Variants in CSNK1G1 observed in about 807,000 individuals in gnomAD.
The protein encoded by CSNK1G1 is casein kinase 1 gamma 1, also known as casein kinase I isoform gamma-1.
Under a neutral mutation model 59.6 loss-of-function variants are expected in CSNK1G1, and 22 were observed. That is an observed-to-expected ratio of 0.37 (90% CI 0.26 to 0.53). CSNK1G1 has a LOEUF of 0.53. Among genes scored for constraint, CSNK1G1 ranks in the 20% least tolerant of loss-of-function variants. The probability of loss-of-function intolerance (pLI) is 0.89; values close to 1 mark genes in which losing one functional copy is unlikely to be tolerated. For synonymous variants in CSNK1G1, 179 were observed against 177.1 expected (o/e 1.01, Z -0.08); for missense variants, 384 against 519.5 (o/e 0.74, Z 2.54).
intron 4 of CSNK1G1, among the ~76,000 whole-genome samples, chr15:64,233,603 C>A (rs551879429): frequency 1.1e-4 from 16 of 152,274 alleles, no homozygotes; most frequent in African/African-American, 3.6e-4. Context: ...GCCACAGTAT[C>A]AGAAATGTCC....
chr15:64,295,994 T>A (rs906193300), intron 2 of CSNK1G1, among the ~76,000 whole-genome samples: 1 of 152,222 alleles, frequency 6.6e-6, no homozygotes, highest in Non-Finnish European at 1.5e-5. Context: ...CAGTATCTAG[T>A]GATTGTGTAT....
chr15:64,278,109 A>T (rs1893850213), intron 2 of CSNK1G1, among the ~76,000 whole-genome samples: 1 of 150,576 alleles, frequency 6.6e-6, no homozygotes, highest in African/African-American at 2.4e-5. Flanking sequence ...GCAGTGGTGC[A>T]ATCACAGCTC....
intron 1 of CSNK1G1, among the ~76,000 whole-genome samples, chr15:64,304,291 G>A (rs1326330688): frequency 1.3e-5 from 2 of 150,632 alleles, no homozygotes; most frequent in South Asian, 2.1e-4. Context: ...GCTGAGGCAG[G>A]AGAATCGCTT....
At chr15:64,339,156 G>A (rs542917371) in intron 1 of CSNK1G1, among the ~76,000 whole-genome samples, 1 of 152,178 alleles carries the variant, frequency 6.6e-6, no homozygotes, top group Non-Finnish European at 1.5e-5. Context: ...GTAATCTCTA[G>A]TACAGTGATT....
intron 2 of CSNK1G1, among the ~76,000 whole-genome samples, chr15:64,288,740 G>A (rs1954578129): frequency 6.6e-6 from 1 of 152,064 alleles, no homozygotes; most frequent in African/African-American, 2.4e-5. Flanking sequence ...CCGCCTTCTG[G>A]AAAAGTAGGC....
chr15:64,205,382 T>C (rs568539858), intron 7 of CSNK1G1, among the ~76,000 whole-genome samples: 1 of 152,184 alleles, frequency 6.6e-6, no homozygotes, highest in Non-Finnish European at 1.5e-5. Context: ...CTACTACACA[T>C]ATATTGAGAC....
At chr15:64,191,975 C>T (rs924329372) in intron 10 of CSNK1G1, among the ~76,000 whole-genome samples, 17 of 152,164 alleles carry the variant, frequency 1.1e-4, no homozygotes, top group African/African-American at 4.1e-4. Flanking sequence ...TAGAAAGCAA[C>T]AGAATGCCTA....
chr15:64,320,417 G>A (rs981242148), intron 1 of CSNK1G1, among the ~76,000 whole-genome samples: 37 of 151,642 alleles, frequency 2.4e-4, no homozygotes, highest in Admixed American at 8.5e-4. Context: ...AGTGGCTCAC[G>A]CCTGTAATCC....
intron 10 of CSNK1G1, among the ~76,000 whole-genome samples, chr15:64,180,793 A>G (rs938054817): frequency 2.0e-5 from 3 of 152,362 alleles, no homozygotes; most frequent in Middle Eastern, 3.4e-3. Flanking sequence ...TTTAGAGTTA[A>G]TATCTGTGAA....
chr15:64,282,349 C>G lies in CSNK1G1; in HGVS notation c.181+17970G>C, dbSNP rs553649208. On this transcript the variant is annotated intron_variant, in intron 2 of 11. Coordinates refer to ENST00000303052, the MANE Select transcript of CSNK1G1 (RefSeq NM_022048.5). ...TGGTACGATCTCAGCTCACTGCAAC[C>G]TCAGCCTCCCGGGTTCAAGCAATTA... Among the ~76,000 whole-genome samples, 4 of 152,242 alleles carry G rather than the reference C, an allele frequency of 2.6e-5. No individual in the cohort carries two copies. In the South Asian group the frequency reaches 8.3e-4, roughly 32 times the overall value.
chr15:64,277,607 T>A (rs558086397), intron 2 of CSNK1G1, among the ~76,000 whole-genome samples: 1 of 137,566 alleles, frequency 7.3e-6, no homozygotes, highest in East Asian at 2.0e-4. Context: ...TAATAATATA[T>A]TAATATTGGT....
intron 10 of CSNK1G1, among the ~76,000 whole-genome samples, chr15:64,180,834 G>T (rs1567358109): frequency 6.6e-6 from 1 of 152,174 alleles, no homozygotes; most frequent in African/African-American, 2.4e-5. Context: ...TCTAAACACA[G>T]ATTCTTTCAT....
At chr15:64,229,654 G>C (rs1315751815) in intron 4 of CSNK1G1, among the ~76,000 whole-genome samples, 1 of 151,954 alleles carries the variant, frequency 6.6e-6, no homozygotes, top group Non-Finnish European at 1.5e-5. Context: ...AAGAAGAGGT[G>C]AGAAAAAAAG....
intron 3 of CSNK1G1, among the ~76,000 whole-genome samples, chr15:64,253,016 T>C (rs1466167531): frequency 3.9e-5 from 6 of 152,096 alleles, no homozygotes; most frequent in Non-Finnish European, 8.8e-5. Flanking sequence ...AAGACCAGCC[T>C]GGGCAACACA....
intron 4 of CSNK1G1, among the ~76,000 whole-genome samples, chr15:64,251,096 T>G (rs1223264263): frequency 1.3e-5 from 2 of 152,216 alleles, no homozygotes; most frequent in Non-Finnish European, 2.9e-5. Flanking sequence ...AAATGACGGT[T>G]CTGTAATATT....
intron 2 of CSNK1G1, among the ~76,000 whole-genome samples, chr15:64,265,480 GC>G (rs1037663660): frequency 6.6e-6 from 1 of 152,130 alleles, no homozygotes; most frequent in African/African-American, 2.4e-5. Context: ...TTTGCCTGCT[GC>G]CATGTAAGAT....
chr15:64,229,217 T>C (rs1428355456), intron 4 of CSNK1G1, among the ~76,000 whole-genome samples: 2 of 152,142 alleles, frequency 1.3e-5, no homozygotes, highest in Non-Finnish European at 2.9e-5. Flanking sequence ...ATTAGAAATA[T>C]ATATTATAGT....
chr15:64,352,028 C>T lies in CSNK1G1; in HGVS notation c.-225+3960G>A, dbSNP rs550187431. On this transcript the variant is annotated intron_variant, in intron 1 of 11. Transcript: ENST00000303052. Reference sequence around the variant, plus strand: ...AATGATACGAGAAAACACAGCAGGCCGGGCAGGGCAGTTCACACCTGTAAT... The same window carrying T: ...AATGATACGAGAAAACACAGCAGGCTGGGCAGGGCAGTTCACACCTGTAAT... Among the ~76,000 whole-genome samples, 6 of 152,064 alleles carry T rather than the reference C, an allele frequency of 3.9e-5. No individual in the cohort carries two copies. In the East Asian group the frequency reaches 5.8e-4, roughly 15 times the overall value.
chr15:64,256,914 T>A (rs979696168), intron 3 of CSNK1G1, among the ~76,000 whole-genome samples: 8 of 151,994 alleles, frequency 5.3e-5, no homozygotes, highest in Non-Finnish European at 7.4e-5. Flanking sequence ...CTGGAAAACA[T>A]ATGCCTGCCT....
Sources: gnomAD v4.1 joint callset for allele counts (sites outside exome capture counted in the v4.1 genomes callset) on GRCh38, gnomAD v4.1.1 for gene constraint, MANE v1.5 for transcripts, NCBI Gene and HGNC (gene_info 2026-07-23, HGNC 2026-07-21) for gene names.